The following CUL2 variants were observed in gnomAD, a reference collection of about 807,000 sequenced individuals.
The protein encoded by CUL2 is cullin-2.
In CUL2, 22 loss-of-function variants were observed where a neutral mutation model predicts 110.2. The ratio of observed to expected loss-of-function variants is 0.20; its 90% CI spans 0.14 to 0.28. The LOEUF (loss-of-function observed/expected upper bound fraction) is 0.28, where lower values mean the gene tolerates loss of function less well. CUL2 is among the 10% of genes least tolerant of loss of function. The probability of loss-of-function intolerance (pLI) is 1.00; values close to 1 mark genes in which losing one functional copy is unlikely to be tolerated. For missense variants in CUL2, 631 were observed against 905.5 expected, an observed-to-expected ratio of 0.70 and a Z score of 3.89; for synonymous variants, 279 against 293.2, an observed-to-expected ratio of 0.95 and a Z score of 0.49.
At chr10:35,080,469 A>ATTTAT (rs2086920728) in intron 1 of CUL2, among the ~76,000 whole-genome samples, 4 of 145,636 alleles carry the variant, frequency 2.7e-5, no homozygotes, top group African/African-American at 1.1e-4. Flanking sequence ...TTATTTATTT[A>ATTTAT]TTTATTTATT....
At chr10:35,104,121 C>A (rs1194498643) in intron 1 of CUL2, among the ~76,000 whole-genome samples, 1 of 152,108 alleles carries the variant, frequency 6.6e-6, no homozygotes, top group Non-Finnish European at 1.5e-5. Context: ...TGCGCACACA[C>A]ACGATTTCAC....
Position 35,031,275 on chromosome 10 carries a change from A to G in CUL2, c.1386+25T>C. The G allele has an allele frequency of 7.0e-7, 1 of 1,428,876 alleles. No homozygotes were observed. Among genetic ancestry groups the G allele is most frequent in the Non-Finnish European group, 9.7e-7 (1 of 1,033,958 alleles). The allele number at this position is 1,428,876 out of a possible 1,614,324, so 88.5% of individuals were successfully genotyped here. The stretch of plus-strand genomic sequence containing the variant: ...TGCTTGTGAATGAATTTCTAGGACA[A>G]TACCACATTAAAGACTTACATTACC... On this transcript the variant is annotated intron_variant, in intron 14 of 20. Coordinates refer to ENST00000374749, the MANE Select transcript of CUL2 (RefSeq NM_003591.4). This position sits in a 1 kb window ranked among gnomAD's most constrained non-coding sequence, Gnocchi z 4.4.
intron 18 of CUL2, among the ~76,000 whole-genome samples, chr10:35,015,469 GAAAT>G (rs1245059067): frequency 2.0e-5 from 3 of 152,002 alleles, no homozygotes; most frequent in East Asian, 1.9e-4. Flanking sequence ...ATTAATGAGA[GAAAT>G]AAACTGTAGG....
In CUL2 at chr10:35,009,271, C is replaced by A. The variant is rs1216728960; in HGVS notation, c.*1040G>T. 7 of 148,866 alleles carry A rather than the reference C, an allele frequency of 4.7e-5. No individual in the cohort carries two copies. The highest frequency in any genetic ancestry group is 8.9e-5 in the Non-Finnish European group (6 of 67,458). The allele number at this position is 148,866 out of a possible 1,614,324, so 9.2% of individuals were successfully genotyped here. A position where few individuals can be genotyped will look rare whatever the true frequency, so the allele number is the denominator to read the frequency against. ...TATATGTGGCACCCAGTACAATGTA[C>A]AATTTTCTTTTTTAAAAAAGTATTT... On this transcript the variant is annotated 3_prime_UTR_variant, in exon 21 of 21. Transcript: ENST00000374749.
chr10:35,019,157 T>A (rs2085122298), intron 17 of CUL2, among the ~76,000 whole-genome samples: 1 of 152,138 alleles, frequency 6.6e-6, no homozygotes, highest in Non-Finnish European at 1.5e-5. Flanking sequence ...TATGCAGAAA[T>A]AAGTAGAGAA....
At chr10:35,048,130 T>A (rs937328197) in intron 6 of CUL2, among the ~76,000 whole-genome samples, 1 of 152,120 alleles carries the variant, frequency 6.6e-6, no homozygotes, top group African/African-American at 2.4e-5. Context: ...GGATGTAAAA[T>A]TTTTAGCACA....
At chr10:35,048,543 A>G (rs565855940) in intron 6 of CUL2, among the ~76,000 whole-genome samples, 33 of 152,356 alleles carry the variant, frequency 2.2e-4, no homozygotes, top group African/African-American at 7.9e-4. Context: ...CCAAGTCAAA[A>G]GAAAAGTTAG....
intron 6 of CUL2, among the ~76,000 whole-genome samples, chr10:35,049,424 GAT>G (rs1241176979): frequency 2.6e-5 from 4 of 151,480 alleles, no homozygotes; most frequent in Non-Finnish European, 5.9e-5. Flanking sequence ...ACTTCCCTCA[GAT>G]ACTTATTTAT....
rs201932448 is a variant in CUL2, at chr10:35,035,351, T to C, written c.878-55A>G. The C allele has an allele frequency of 5.9e-4, 940 of 1,588,404 alleles. 2 individuals are homozygous for C. The highest frequency in any genetic ancestry group is 5.5e-4 in the Non-Finnish European group (634 of 1,158,580). ...CTCCCAAATATTTTCATTTATTAGG[T>C]AATATATGGATCCAAGTGCAGGAGT... is the stretch of plus-strand genomic sequence containing the variant. On this transcript the variant is annotated intron_variant, in intron 9 of 20. Transcript: ENST00000374749.
chr10:35,049,938 A>ATTTTTTTTTTTTTTT (rs1346640759), intron 5 of CUL2, among the ~76,000 whole-genome samples, 173 bp from the exon 6 acceptor site: 1 of 152,204 alleles, frequency 6.6e-6, no homozygotes, highest in African/African-American at 2.4e-5. Flanking sequence ...CAAATTTCTA[A>ATTTTTTTTTTTTTTT]TTTGAAATAT....
chr10:35,117,241 A>G (rs1258807319), intron 1 of CUL2, among the ~76,000 whole-genome samples: 1 of 152,132 alleles, frequency 6.6e-6, no homozygotes, highest in African/African-American at 2.4e-5. Flanking sequence ...GAATTCACGA[A>G]GGCTGGTGTG....
intron 8 of CUL2, among the ~76,000 whole-genome samples, chr10:35,040,224 A>G (rs2085747955): frequency 6.6e-6 from 1 of 152,208 alleles, no homozygotes; most frequent in South Asian, 2.1e-4. Context: ...AAGTATGTCA[A>G]TCAAGACTTT....
At chr10:35,063,138 T>TA (rs1176474152) in intron 2 of CUL2, 76 bp from the exon 3 acceptor site, 6 of 861,662 alleles carry the variant, frequency 7.0e-6, no homozygotes, top group Non-Finnish European at 1.1e-5. Flanking sequence ...TGTTTGGCAT[T>TA]AAAAAATGAA....
chr10:35,072,608 T>C (rs1200478390), intron 1 of CUL2, among the ~76,000 whole-genome samples: 2 of 152,126 alleles, frequency 1.3e-5, no homozygotes, highest in African/African-American at 4.8e-5. Flanking sequence ...GACCTCGTGA[T>C]CCGCCCACCT....
upstream of CUL2, among the ~76,000 whole-genome samples, chr10:35,092,994 C>T (rs2087236558): frequency 6.6e-6 from 1 of 152,110 alleles, no homozygotes; most frequent in South Asian, 2.1e-4. Flanking sequence ...TATTGTACAA[C>T]TTTAGATTGC....
In CUL2 at chr10:35,060,972, T is replaced by A. The variant is rs551640356; in HGVS notation, c.223-4A>T. 9 of 1,600,754 alleles carry A rather than the reference T, an allele frequency of 5.6e-6. No individual in the cohort carries two copies. The highest frequency in any genetic ancestry group is 6.8e-6 in the Non-Finnish European group (8 of 1,176,362). On this transcript the variant is annotated splice_region_variant and splice_polypyrimidine_tract_variant and intron_variant, in intron 3 of 20. Transcript: ENST00000374749. ...GTTCTTCTGACTCCAAAACTCTCTA[T>A]ATAAAGAGGAAAAATATTTTTACTT...
chr10:35,012,233 G>A (rs2084920628), intron 19 of CUL2, among the ~76,000 whole-genome samples: 1 of 151,904 alleles, frequency 6.6e-6, no homozygotes, highest in Non-Finnish European at 1.5e-5. Flanking sequence ...ATATAGTTAT[G>A]TTGTGCCAAT....
chr10:35,031,763 C>T lies in CUL2; in HGVS notation c.1171-144G>A, dbSNP rs563549609. 4.5e-4 allele frequency: 352 copies of T among 777,112 alleles called. 1 individual carries two copies. The highest frequency in any genetic ancestry group is 6.0e-4 in the Non-Finnish European group (296 of 490,864). The allele number at this position is 777,112 out of a possible 1,614,324, so 48.1% of individuals were successfully genotyped here. A position where few individuals can be genotyped will look rare whatever the true frequency, so the allele number is the denominator to read the frequency against. On this transcript the variant is annotated intron_variant, in intron 12 of 20. Coordinates refer to ENST00000374749, the MANE Select transcript of CUL2 (RefSeq NM_003591.4). This position sits in a 1 kb window ranked among gnomAD's most constrained non-coding sequence, Gnocchi z 4.4. ...TAGAGACCGGGTCTTGCTCTGTTGC[C>T]AGGCTGGATTGCAGTGGACAAGATC...
At chr10:35,083,568 G>A (rs768800544) in intron 1 of CUL2, among the ~76,000 whole-genome samples, 1 of 152,176 alleles carries the variant, frequency 6.6e-6, no homozygotes, top group African/African-American at 2.4e-5. Flanking sequence ...GTTGAACCTA[G>A]AACACCTATG....
Sources: gnomAD v4.1 joint callset for allele counts (sites outside exome capture counted in the v4.1 genomes callset) on GRCh38, gnomAD v4.1.1 for gene constraint, Gnocchi (gnomAD v3.1) non-coding constraint, MANE v1.5 for transcripts, NCBI Gene and HGNC (gene_info 2026-07-23, HGNC 2026-07-21) for gene names.